METTL5: variants seen among roughly 807,000 people sequenced by gnomAD.
The protein encoded by METTL5 is methyltransferase 5, N6-adenosine, also known as rRNA N(6)-adenosine-methyltransferase METTL5.
METTL5 carries 28 observed loss-of-function variants against 26.5 expected under a neutral mutation model. The observed-to-expected ratio is 1.06, with a 90% CI of 0.78 to 1.45. The LOEUF (loss-of-function observed/expected upper bound fraction) is 1.45, where lower values mean the gene tolerates loss of function less well. Ranked by LOEUF, METTL5 falls within the 40% of genes most tolerant of loss-of-function variation. The pLI is 0.00. For synonymous variants in METTL5, 86 were observed against 82.6 expected (o/e 1.04, Z -0.22); for missense variants, 231 against 249.9 (o/e 0.92, Z 0.51).
At chr2:169,816,827 C>G (rs965572628) in intron 4 of METTL5, among the ~76,000 whole-genome samples, 2 of 151,678 alleles carry the variant, frequency 1.3e-5, no homozygotes, top group Non-Finnish European at 3.0e-5. Flanking sequence ...AATGTAAGAC[C>G]TAAAAACTCT....
intron 1 of METTL5, chr2:169,824,253 G>C (rs2081622284): frequency 2.4e-6 from 1 of 416,016 alleles, no homozygotes; most frequent in South Asian, 4.4e-5. Flanking sequence ...ACATTAAAAA[G>C]ATGTCTGGCA....
intron 5 of METTL5, among the ~76,000 whole-genome samples, chr2:169,813,638 T>G (rs1057499807): frequency 2.5e-4 from 38 of 151,276 alleles, no homozygotes; most frequent in Admixed American, 5.3e-4. Context: ...GCGGATGACC[T>G]GAGGTGAAGA....
chr2:169,821,355 TAAACCA>T, intron 2 of METTL5, 82 bp from the exon 3 acceptor site: 5 of 1,035,338 alleles, frequency 4.8e-6, no homozygotes, highest in Non-Finnish European at 7.0e-6. Flanking sequence ...GTTTTTTTTT[TAAACCA>T]TATATCTTTT....
At chr2:169,815,353 T>TA in intron 5 of METTL5, 124 bp downstream of exon 5, 1 of 648,934 alleles carries the variant, frequency 1.5e-6, no homozygotes, top group East Asian at 2.6e-5. Context: ...TCCAATCTAT[T>TA]ACCAATCATG....
At position 169,812,439 on chromosome 2, in the gene METTL5, C is replaced by G; in HGVS notation, c.591+18G>C. On this transcript the variant is annotated intron_variant, in intron 6 of 6. Coordinates refer to ENST00000260953, the MANE Select transcript of METTL5 (RefSeq NM_014168.4). ...TTTTCAATACCGAATGTAGACCAGC[C>G]AAAATCAAGAGACTTACTGATTTCT... 1 of 1,613,830 alleles carries G rather than the reference C, an allele frequency of 6.2e-7. No individual in the cohort carries two copies. The highest frequency in any genetic ancestry group is 8.5e-7 in the Non-Finnish European group (1 of 1,179,888).
In METTL5 at chr2:169,822,076, A is replaced by C; in HGVS notation, c.110-19T>G. 3 of 1,579,412 alleles carry C rather than the reference A, an allele frequency of 1.9e-6. No individual in the cohort carries two copies. Among genetic ancestry groups the C allele is most frequent in the Non-Finnish European group, 2.6e-6 (3 of 1,172,498 alleles). ...ATACATGCTAAAAAATAAAAAAAAAAAGAATAAGTAAGCAAGCCGGTGACT... is the reference window on the plus strand; with the variant it reads ...ATACATGCTAAAAAATAAAAAAAAACAGAATAAGTAAGCAAGCCGGTGACT... On this transcript the variant is annotated intron_variant, in intron 1 of 6. Coordinates refer to ENST00000260953, the MANE Select transcript of METTL5 (RefSeq NM_014168.4).
intron 5 of METTL5, among the ~76,000 whole-genome samples, chr2:169,813,872 CA>C (rs1316676315): frequency 6.6e-6 from 1 of 151,160 alleles, no homozygotes; most frequent in East Asian, 2.0e-4. Flanking sequence ...TCTCAAACAA[CA>C]AAAAAACACC....
intron 4 of METTL5, among the ~76,000 whole-genome samples, chr2:169,816,867 A>G (rs921010857): frequency 3.3e-5 from 5 of 152,242 alleles, no homozygotes; most frequent in African/African-American, 1.2e-4. Context: ...ACCATTCAGG[A>G]CATAGGCATG....
chr2:169,819,228 C>T (rs1159867895), intron 4 of METTL5, among the ~76,000 whole-genome samples: 1 of 152,110 alleles, frequency 6.6e-6, no homozygotes, highest in Non-Finnish European at 1.5e-5. Flanking sequence ...TCAGGCCACA[C>T]CGGGACAATG....
intron 5 of METTL5, among the ~76,000 whole-genome samples, chr2:169,814,284 C>T (rs1297782143): frequency 6.6e-6 from 1 of 151,622 alleles, no homozygotes; most frequent in Non-Finnish European, 1.5e-5. Context: ...GTCAGGAGTT[C>T]AAGACCAGCC....
intron 3 of METTL5, among the ~76,000 whole-genome samples, chr2:169,820,798 G>A (rs920034003): frequency 2.0e-5 from 3 of 152,026 alleles, no homozygotes; most frequent in Admixed American, 6.6e-5. Flanking sequence ...TCGCAGCCCC[G>A]AATACCTGAG....
At chr2:169,821,387 A>G in intron 2 of METTL5, 114 bp from the exon 3 acceptor site, 1 of 718,448 alleles carries the variant, frequency 1.4e-6, no homozygotes, top group Admixed American at 3.3e-5. Flanking sequence ...CAATTAGCAA[A>G]GTAAGAGTGA....
chr2:169,817,671 A>T (rs2081527627), intron 4 of METTL5, among the ~76,000 whole-genome samples: 1 of 151,716 alleles, frequency 6.6e-6, no homozygotes, highest in South Asian at 2.1e-4. Flanking sequence ...AAGGACAGAA[A>T]ACCAAACACC....
intron 2 of METTL5, 85 bp downstream of exon 2, chr2:169,821,858 T>G (rs1394804257): frequency 2.5e-6 from 3 of 1,218,784 alleles, no homozygotes; most frequent in East Asian, 2.3e-5. Context: ...TTCTGTGGAG[T>G]CTCATAAATA....
At chr2:169,824,395 G>A (rs1038056061) in intron 1 of METTL5, 94 bp downstream of exon 1, 8 of 1,026,944 alleles carry the variant, frequency 7.8e-6, no homozygotes, top group Non-Finnish European at 1.2e-5. Context: ...AATTTCTCTA[G>A]ACATTCTCTG....
chr2:169,818,039 C>G (rs1558977891), intron 4 of METTL5, among the ~76,000 whole-genome samples: 3 of 151,972 alleles, frequency 2.0e-5, no homozygotes, highest in Admixed American at 6.6e-5. Flanking sequence ...TTTTGGGAAG[C>G]CTCCCACTCC....
In METTL5 at chr2:169,821,978, T is replaced by C; in HGVS notation, c.189A>G (p.Gly63=). 6.2e-7 allele frequency: 1 copy of C among 1,613,646 alleles called. No homozygotes were observed. Among genetic ancestry groups the C allele is most frequent in the Non-Finnish European group, 8.5e-7 (1 of 1,179,984 alleles). ...KVVADLGCGC[G]VLSIGTAMLG... ...ACATTGCAGTTCCGATGCTAAGTAC[T>C]CCACAACCACATCCTAGATCTGCAA... Residue 63 remains glycine (G), a synonymous_variant, in exon 2 of 7, where the codon GGA becomes GGG. Coordinates refer to ENST00000260953, the MANE Select transcript of METTL5 (RefSeq NM_014168.4).
At chr2:169,817,765 G>A (rs945387505) in intron 4 of METTL5, among the ~76,000 whole-genome samples, 1 of 151,546 alleles carries the variant, frequency 6.6e-6, no homozygotes, top group Non-Finnish European at 1.5e-5. Context: ...GGGCCTGTTG[G>A]GGGGTGGGGG....
At chr2:169,816,006 C>G (rs2081501077) in intron 4 of METTL5, among the ~76,000 whole-genome samples, 1 of 152,128 alleles carries the variant, frequency 6.6e-6, no homozygotes, top group Non-Finnish European at 1.5e-5. Flanking sequence ...GAACAACAGA[C>G]TATAACCACA....
Sources: allele counts gnomAD v4.1 joint callset (sites outside exome capture counted in the v4.1 genomes callset), GRCh38; gene constraint gnomAD v4.1.1; transcripts MANE v1.5; gene names NCBI Gene and HGNC (gene_info 2026-07-23, HGNC 2026-07-21).